Variants in MAGI3 observed in about 807,000 individuals in gnomAD.
MAGI3 encodes the protein membrane associated guanylate kinase, WW and PDZ domain containing 3, also known as membrane-associated guanylate kinase, WW and PDZ domain-containing protein 3.
In MAGI3, 43 loss-of-function variants were observed where a neutral mutation model predicts 121.8. The ratio of observed to expected loss-of-function variants is 0.35; its 90% CI spans 0.28 to 0.46. The LOEUF (loss-of-function observed/expected upper bound fraction) is 0.46, where lower values mean the gene tolerates loss of function less well. Among genes scored for constraint, MAGI3 ranks in the 20% least tolerant of loss-of-function variants. The pLI is 1.00. For synonymous variants in MAGI3, 553 were observed against 639.3 expected (o/e 0.86, Z 2.04); for missense variants, 1,547 against 1,797.3 (o/e 0.86, Z 2.52).
intron 6 of MAGI3, among the ~76,000 whole-genome samples, chr1:113,608,311 GC>G (rs1649916360): frequency 1.3e-5 from 2 of 152,238 alleles, no homozygotes; most frequent in Admixed American, 1.3e-4. Context: ...TATTTTGGTC[GC>G]CCTTTTGGAA....
At chr1:113,459,441 GA>G (rs1220770784) in intron 1 of MAGI3, among the ~76,000 whole-genome samples, 1 of 152,138 alleles carries the variant, frequency 6.6e-6, no homozygotes, top group Non-Finnish European at 1.5e-5. Flanking sequence ...GATGGTCTAG[GA>G]TCTTGTAACA....
At chr1:113,668,266 A>G (rs1424589347) in intron 16 of MAGI3, among the ~76,000 whole-genome samples, 1 of 152,214 alleles carries the variant, frequency 6.6e-6, no homozygotes. Context: ...GTGTACTAAA[A>G]TAAGGCATAC....
In MAGI3 at chr1:113,416,329, T is replaced by TG. The variant is rs1553182696; in HGVS notation, c.316+24980_316+24981insG. 7.2e-4 allele frequency among the ~76,000 whole-genome samples: 83 copies of TG among 116,046 alleles called. 4 individuals are homozygous for TG. The highest frequency in any genetic ancestry group is 1.1e-3 in the Non-Finnish European group (64 of 58,564). The allele number at this position is 116,046 out of a possible 152,430, so 76.1% of individuals were successfully genotyped here. On this transcript the variant is annotated intron_variant, in intron 1 of 20. Transcript: ENST00000307546. Reference sequence around the variant, plus strand: ...ATGTAATTAATTATGTAATTAATTATATATCAATCATATATTAATTATATA... The same window carrying TG: ...ATGTAATTAATTATGTAATTAATTATGATATCAATCATATATTAATTATATA...
rs773961087 is a variant in MAGI3, at chr1:113,391,047, TGAA to T, written c.25_27del (p.Lys9del). 2.7e-5 allele frequency: 43 copies of T among 1,588,040 alleles called. No individual in the cohort carries two copies. The highest frequency in any genetic ancestry group is 1.2e-4 in the African/African-American group (9 of 73,908). On this transcript the variant is annotated inframe_deletion, in exon 1 of 21. Coordinates refer to ENST00000307546, the MANE Select transcript of MAGI3 (RefSeq NM_001142782.2). This position sits in a 1 kb window ranked among gnomAD's most constrained non-coding sequence, Gnocchi z 4.4. ...GCGGGGTTCGGGATGTCGAAGACGC[TGAA>T]GAAGAAGAAGCACTGGCTCAGCAAG... is the stretch of plus-strand genomic sequence containing the variant.
At chr1:113,641,317 G>A (rs907309834) in intron 9 of MAGI3, among the ~76,000 whole-genome samples, 1 of 150,116 alleles carries the variant, frequency 6.7e-6, no homozygotes, top group African/African-American at 2.5e-5. Context: ...ATCAAGAGTG[G>A]GTGATTCTGG....
chr1:113,546,399 C>T (rs972986231), intron 1 of MAGI3, among the ~76,000 whole-genome samples: 3 of 152,138 alleles, frequency 2.0e-5, no homozygotes, highest in Non-Finnish European at 2.9e-5. Context: ...TGCAGCCGCA[C>T]GATCTTGTCT....
chr1:113,629,204 A>C (rs760896416), intron 9 of MAGI3, among the ~76,000 whole-genome samples: 3 of 152,106 alleles, frequency 2.0e-5, no homozygotes, highest in Non-Finnish European at 4.4e-5. Flanking sequence ...TCTGCTGTTA[A>C]GAGACTCTGA....
At chr1:113,407,417 G>A (rs1031581832) in intron 1 of MAGI3, among the ~76,000 whole-genome samples, 5 of 152,022 alleles carry the variant, frequency 3.3e-5, no homozygotes, top group African/African-American at 9.7e-5. Flanking sequence ...AACTGGTGGT[G>A]GTACTATTTC....
At chr1:113,631,326 G>A (rs557998039) in intron 9 of MAGI3, among the ~76,000 whole-genome samples, 1 of 152,224 alleles carries the variant, frequency 6.6e-6, no homozygotes, top group South Asian at 2.1e-4. Flanking sequence ...CTTTTAGTGT[G>A]TAGTTAGTTG....
Position 113,425,751 on chromosome 1 carries a change from A to G in MAGI3, c.316+34402A>G, listed in dbSNP as rs550853814. On this transcript the variant is annotated intron_variant, in intron 1 of 20. Transcript: ENST00000307546. ...TTAAATGACTGCAGGATCCGTCGTAATAGACCCTGTTTCATTCCTGACATT... is the reference window on the plus strand; with the variant it reads ...TTAAATGACTGCAGGATCCGTCGTAGTAGACCCTGTTTCATTCCTGACATT... Among the ~76,000 whole-genome samples the G allele has an allele frequency of 5.9e-5, 9 of 152,190 alleles. No individual in the cohort carries two copies. In the East Asian group the frequency reaches 1.7e-3, roughly 29 times the overall value.
intron 7 of MAGI3, among the ~76,000 whole-genome samples, chr1:113,618,371 A>C (rs1650608016): frequency 6.6e-6 from 1 of 152,156 alleles, no homozygotes; most frequent in Non-Finnish European, 1.5e-5. Flanking sequence ...AAAAAGGCAA[A>C]GTAAATGTTC....
At chr1:113,558,265 C>T (rs1365269542) in intron 2 of MAGI3, among the ~76,000 whole-genome samples, 1 of 152,152 alleles carries the variant, frequency 6.6e-6, no homozygotes, top group Admixed American at 6.5e-5. Context: ...ATGAACTTCA[C>T]TGAGCTAAAG....
At chr1:113,604,076 C>T (rs1422601525) in intron 6 of MAGI3, among the ~76,000 whole-genome samples, 1 of 152,124 alleles carries the variant, frequency 6.6e-6, no homozygotes, top group African/African-American at 2.4e-5. Context: ...CAGTATGGAG[C>T]ATTCTTAAAG....
chr1:113,467,319 T>C (rs1655337443), intron 1 of MAGI3, among the ~76,000 whole-genome samples: 2 of 152,154 alleles, frequency 1.3e-5, no homozygotes, highest in Admixed American at 1.3e-4. Context: ...CTTGATATGA[T>C]TTCTACTTTT....
intron 1 of MAGI3, among the ~76,000 whole-genome samples, chr1:113,445,964 ATC>A (rs1384018665): frequency 1.3e-5 from 2 of 152,212 alleles, no homozygotes; most frequent in Admixed American, 6.5e-5. Flanking sequence ...AAAAATAAAG[ATC>A]TCAATAAAGG....
chr1:113,618,352 TAAAG>T (rs1557855552), intron 7 of MAGI3, among the ~76,000 whole-genome samples: 1 of 151,872 alleles, frequency 6.6e-6, no homozygotes, highest in African/African-American at 2.4e-5. Context: ...AAAAAATAAA[TAAAG>T]AAATAAAAAG....
intron 1 of MAGI3, among the ~76,000 whole-genome samples, chr1:113,429,117 T>G (rs1653168346): frequency 2.0e-5 from 3 of 152,244 alleles, no homozygotes; most frequent in Admixed American, 2.0e-4. Flanking sequence ...CCTCCAACTT[T>G]GTTTTTGGCT....
intron 3 of MAGI3, among the ~76,000 whole-genome samples, chr1:113,583,535 T>A (rs1007920083): frequency 2.0e-5 from 3 of 152,150 alleles, no homozygotes; most frequent in African/African-American, 7.2e-5. Flanking sequence ...GTAGTACTAC[T>A]ACCTTACTTA....
intron 20 of MAGI3, 82 bp from the exon 21 acceptor site, chr1:113,682,815 A>C: frequency 6.9e-7 from 1 of 1,458,810 alleles, no homozygotes; most frequent in Admixed American, 2.9e-5. Flanking sequence ...CGACAATTCA[A>C]ATGGCTGTCA....
Sources: gnomAD v4.1 joint callset for allele counts (sites outside exome capture counted in the v4.1 genomes callset) on GRCh38, gnomAD v4.1.1 for gene constraint, Gnocchi (gnomAD v3.1) non-coding constraint, MANE v1.5 for transcripts, NCBI Gene and HGNC (gene_info 2026-07-23, HGNC 2026-07-21) for gene names.